BAZ1B: variants seen among roughly 807,000 people sequenced by gnomAD.
BAZ1B encodes tyrosine-protein kinase BAZ1B.
Under a neutral mutation model 153.8 loss-of-function variants are expected in BAZ1B, and 22 were observed. The ratio of observed to expected loss-of-function variants is 0.14; its 90% confidence interval spans 0.10 to 0.20. The LOEUF is 0.20. BAZ1B is among the 10% of genes least tolerant of loss of function. The pLI is 1.00. For synonymous variants in BAZ1B, 676 were observed against 633.4 expected (o/e 1.07, Z -1.01); for missense variants, 1,325 against 1,799.3 (o/e 0.74, Z 4.77).
At chr7:73,459,229 A>G (rs1788308475) in intron 13 of BAZ1B, among the ~76,000 whole-genome samples, 1 of 151,498 alleles carries the variant, frequency 6.6e-6, no homozygotes, top group Non-Finnish European at 1.5e-5. Flanking sequence ...GCCTGGTGAC[A>G]GAGCGAGACT....
intron 2 of BAZ1B, among the ~76,000 whole-genome samples, chr7:73,509,536 A>G (rs1464451766): frequency 6.6e-6 from 1 of 152,060 alleles, no homozygotes; most frequent in Non-Finnish European, 1.5e-5. Context: ...CCTGGCCAAC[A>G]GAGTGAGAAC....
chr7:73,472,403 C>T (rs1554572119), intron 7 of BAZ1B, among the ~76,000 whole-genome samples: 1 of 152,086 alleles, frequency 6.6e-6, no homozygotes, highest in African/African-American at 2.4e-5. Flanking sequence ...GGATTACAGG[C>T]ATGTGTCACC....
chr7:73,481,390 G>A (rs1230631035), intron 6 of BAZ1B, among the ~76,000 whole-genome samples: 3 of 151,768 alleles, frequency 2.0e-5, no homozygotes, highest in Admixed American at 6.6e-5. Flanking sequence ...GGTGGCGGGC[G>A]CCTGTAGTCC....
intron 3 of BAZ1B, among the ~76,000 whole-genome samples, chr7:73,504,589 G>A (rs1002019868): frequency 9.9e-5 from 15 of 152,028 alleles, no homozygotes; most frequent in African/African-American, 3.4e-4. Flanking sequence ...GTATGAACCC[G>A]GGAGGCGGAG....
chr7:73,480,048 A>G (rs139340094), intron 6 of BAZ1B, among the ~76,000 whole-genome samples: 5,834 of 151,874 alleles, frequency 0.038, 548 homozygotes, highest in East Asian at 0.37. Context: ...GGGTGCCTGT[A>G]GTCCCAGCTA....
chr7:73,477,208 T>G lies in BAZ1B; in HGVS notation c.2253A>C (p.Ala751=). ...TSEEKLQILT[A]LCHRILMTYS... ...ATGTCATGAGGATCCGGTGGCACAG[T>G]GCTGTCAAGATCTGTAGCTTCTCCT... The change falls in exon 7 of 20, where the codon GCA becomes GCC. Residue 751 remains alanine (A), a synonymous_variant. Transcript: ENST00000339594. This position sits in a 1 kb window ranked among gnomAD's most constrained non-coding sequence, Gnocchi z 5.6. The G allele has an allele frequency of 6.2e-7, 1 of 1,614,234 alleles. No individual in the cohort carries two copies. The highest frequency in any genetic ancestry group is 8.5e-7 in the Non-Finnish European group (1 of 1,180,042).
intron 6 of BAZ1B, among the ~76,000 whole-genome samples, chr7:73,484,566 C>G (rs1478094195): frequency 6.6e-6 from 1 of 152,048 alleles, no homozygotes; most frequent in Non-Finnish European, 1.5e-5. Flanking sequence ...ATTGCTTAAG[C>G]CCAGAGGTCA....
chr7:73,520,576 G>A (rs1790995278), intron 1 of BAZ1B, among the ~76,000 whole-genome samples: 2 of 152,194 alleles, frequency 1.3e-5, no homozygotes, highest in South Asian at 4.2e-4. Context: ...ATCCACTTCA[G>A]CTCCAAGATG....
At chr7:73,499,686 G>A (rs1554576869) in intron 3 of BAZ1B, among the ~76,000 whole-genome samples, 1 of 152,212 alleles carries the variant, frequency 6.6e-6, no homozygotes, top group East Asian at 1.9e-4. Flanking sequence ...TAGGTGACAG[G>A]GTGAGACCCT....
intron 4 of BAZ1B, among the ~76,000 whole-genome samples, chr7:73,496,095 T>C (rs146418843): frequency 3.2e-3 from 486 of 152,234 alleles, no homozygotes; most frequent in Middle Eastern, 0.014. Flanking sequence ...AAGAGGACAC[T>C]TGTAAACTTA....
At chr7:73,459,380 G>C (rs1265162681) in intron 13 of BAZ1B, among the ~76,000 whole-genome samples, 156 bp downstream of exon 13, 8 of 149,094 alleles carry the variant, frequency 5.4e-5, no homozygotes, top group Non-Finnish European at 1.2e-4. Flanking sequence ...AGAAGGGGTA[G>C]AAAGTGATTA....
At chr7:73,517,940 T>C (rs995041764) in intron 1 of BAZ1B, among the ~76,000 whole-genome samples, 2 of 152,192 alleles carry the variant, frequency 1.3e-5, no homozygotes, top group Admixed American at 6.5e-5. Flanking sequence ...CAAGCATAAC[T>C]GTAACTAACC....
chr7:73,473,512 C>T (rs1788890339), intron 7 of BAZ1B, among the ~76,000 whole-genome samples: 1 of 152,108 alleles, frequency 6.6e-6, no homozygotes, highest in Non-Finnish European at 1.5e-5. Flanking sequence ...CAGATCGCAC[C>T]ATTGCACTCC....
Position 73,522,104 on chromosome 7 carries a change from G to C in BAZ1B, c.-171C>G. ...TCACCGCCGGCGCGGCCGCGCGACA[G>C]TCATGGAGCGGAACGCCACGGCGCA... On this transcript the variant is annotated 5_prime_UTR_variant, in exon 1 of 20. Transcript: ENST00000339594. The C allele has an allele frequency of 2.3e-6, 1 of 427,876 alleles. No individual in the cohort carries two copies. Among genetic ancestry groups the C allele is most frequent in the Non-Finnish European group, 3.9e-6 (1 of 253,584 alleles). The allele number at this position is 427,876 out of a possible 1,614,324, so 26.5% of individuals were successfully genotyped here. A position where few individuals can be genotyped will look rare whatever the true frequency, so the allele number is the denominator to read the frequency against.
At chr7:73,472,395 A>AT (rs1327605039) in intron 7 of BAZ1B, among the ~76,000 whole-genome samples, 1 of 151,710 alleles carries the variant, frequency 6.6e-6, no homozygotes, top group Non-Finnish European at 1.5e-5. Flanking sequence ...AGTAGCTGGG[A>AT]TTACAGGCAT....
intron 16 of BAZ1B, among the ~76,000 whole-genome samples, chr7:73,446,262 C>A (rs1185257012): frequency 1.3e-5 from 2 of 152,156 alleles, no homozygotes; most frequent in Non-Finnish European, 2.9e-5. Context: ...GAATTTTGAT[C>A]TGTGGTCTGT....
intron 2 of BAZ1B, among the ~76,000 whole-genome samples, chr7:73,508,921 G>A (rs1222636556): frequency 6.6e-6 from 1 of 151,856 alleles, no homozygotes; most frequent in Admixed American, 6.6e-5. Flanking sequence ...GCTGAGGCAG[G>A]AGAATGGCAT....
intron 1 of BAZ1B, among the ~76,000 whole-genome samples, chr7:73,512,538 T>C (rs868920386): frequency 1.3e-5 from 2 of 152,196 alleles, no homozygotes; most frequent in Non-Finnish European, 2.9e-5. Flanking sequence ...TAGACAGTCT[T>C]CGTGAGGGAG....
At chr7:73,465,318 G>A (rs1275674185) in intron 11 of BAZ1B, 121 bp downstream of exon 11, 10 of 607,184 alleles carry the variant, frequency 1.6e-5, no homozygotes, top group Admixed American at 3.6e-5. Context: ...AACACAAAAC[G>A]GTTACACATT....
Sources: gnomAD v4.1 joint callset for allele counts (sites outside exome capture counted in the v4.1 genomes callset) on GRCh38, gnomAD v4.1.1 for gene constraint, Gnocchi (gnomAD v3.1) non-coding constraint, MANE v1.5 for transcripts, NCBI Gene and HGNC (gene_info 2026-07-23, HGNC 2026-07-21) for gene names.